The following PDE8B variants were observed in gnomAD, a reference collection of about 807,000 sequenced individuals.
The protein encoded by PDE8B is phosphodiesterase 8B, also known as high affinity cAMP-specific and IBMX-insensitive 3',5'-cyclic phosphodiesterase 8B.
PDE8B carries 26 observed loss-of-function variants against 101.3 expected under a neutral mutation model. That is an observed-to-expected ratio of 0.26 (90% CI 0.19 to 0.36). PDE8B has a LOEUF of 0.36. PDE8B is among the 10% of genes least tolerant of loss of function. The pLI is 1.00. For synonymous variants in PDE8B, 424 were observed against 429.3 expected, an observed-to-expected ratio of 0.99 and a Z score of 0.15; for missense variants, 810 against 1,163.1, an observed-to-expected ratio of 0.70 and a Z score of 4.42.
intron 20 of PDE8B, among the ~76,000 whole-genome samples, chr5:77,424,738 C>G (rs144806670): frequency 6.6e-6 from 1 of 151,902 alleles, no homozygotes; most frequent in Non-Finnish European, 1.5e-5. Context: ...ACATGTACTT[C>G]GAAGGTCAAG....
chr5:77,099,810 A>T, the PDE8B span, among the ~76,000 whole-genome samples: 1 of 152,050 alleles, frequency 6.6e-6, no homozygotes, highest in Non-Finnish European at 1.5e-5. Context: ...GGGTTTCACC[A>T]TATTGGTCAG....
the PDE8B span, among the ~76,000 whole-genome samples, chr5:77,164,115 T>C: frequency 2.0e-5 from 3 of 152,104 alleles, no homozygotes; most frequent in African/African-American, 7.2e-5. Flanking sequence ...AGCACAGGGG[T>C]TGACTTGGTT....
intron 1 of PDE8B, among the ~76,000 whole-genome samples, chr5:77,225,151 G>A (rs1257709197): frequency 1.3e-5 from 2 of 152,134 alleles, no homozygotes; most frequent in African/African-American, 2.4e-5. Context: ...CATCTATAAA[G>A]ATAAACTTCC....
intron 21 of PDE8B, 49 bp from the exon 22 acceptor site, chr5:77,426,396 C>A: frequency 8.0e-7 from 1 of 1,248,434 alleles, no homozygotes. Flanking sequence ...ATAAATGCTC[C>A]TGGGGTCTAA....
chr5:77,377,926 A>G (rs1786488349), intron 10 of PDE8B, among the ~76,000 whole-genome samples: 1 of 151,736 alleles, frequency 6.6e-6, no homozygotes, highest in African/African-American at 2.4e-5. Flanking sequence ...ACATCGTATC[A>G]TGGGACTCCT....
chr5:77,301,865 A>G (rs369079604), intron 1 of PDE8B, among the ~76,000 whole-genome samples: 1 of 152,220 alleles, frequency 6.6e-6, no homozygotes, highest in Non-Finnish European at 1.5e-5. Context: ...TGACATAATC[A>G]TAGCATCGAA....
At chr5:77,200,418 T>A in the PDE8B span, among the ~76,000 whole-genome samples, 1 of 152,138 alleles carries the variant, frequency 6.6e-6, no homozygotes, top group South Asian at 2.1e-4. Flanking sequence ...CTAGCCCCAC[T>A]CCCACATCTC....
intron 1 of PDE8B, among the ~76,000 whole-genome samples, chr5:77,271,886 G>A (rs899683883): frequency 2.0e-5 from 3 of 152,292 alleles, no homozygotes; most frequent in Non-Finnish European, 4.4e-5. Flanking sequence ...TGTTGGGGAG[G>A]GATGTGAATG....
At chr5:77,133,840 A>G in the PDE8B span, among the ~76,000 whole-genome samples, 1 of 152,204 alleles carries the variant, frequency 6.6e-6, no homozygotes, top group African/African-American at 2.4e-5. Flanking sequence ...GAGCCCAAGA[A>G]TTCTGGGACT....
In PDE8B at chr5:77,211,085, C is replaced by T. The variant is rs1580329810; in HGVS notation, c.160C>T (p.Pro54Ser). The T allele has an allele frequency of 3.3e-6, 5 of 1,497,984 alleles. No homozygotes were observed. The highest frequency in any genetic ancestry group is 5.6e-5 in the East Asian group (2 of 35,770). 92.8% of individuals were successfully genotyped at this position (1,497,984 alleles called of 1,614,324 possible). Reference protein sequence around the residue: ...FVQTDAADAIPPSRASGPPSV... With the variant: ...FVQTDAADAISPSRASGPPSV... ...CCAGACCGACGCCGCCGACGCCATC[C>T]CCCCGAGCCGCGCGTCGGGACCCCC... The change falls in exon 1 of 22, where the codon CCC (proline) becomes TCC (serine). Residue 54 changes from proline to serine, a missense_variant. This residue lies in a region of PDE8B where 159 missense variants were observed against 146.6 expected (regional missense o/e 1.08). Transcript: ENST00000264917. The surrounding 1 kb of genome is among the most constrained non-coding windows in gnomAD (Gnocchi z 4.1).
intron 1 of PDE8B, chr5:77,290,576 G>T: frequency 6.7e-7 from 1 of 1,501,416 alleles, no homozygotes. Context: ...TAGGAAGCTT[G>T]GTGTCTTTGG....
At chr5:77,349,298 C>A in intron 7 of PDE8B, 121 bp from the exon 8 acceptor site, 1 of 1,317,006 alleles carries the variant, frequency 7.6e-7, no homozygotes, top group Non-Finnish European at 1.1e-6. Context: ...AATGTTTGCC[C>A]TGGGAACTTC....
chr5:77,427,977 T>C lies in PDE8B; in HGVS notation c.*1423T>C, dbSNP rs1394253683. The C allele has an allele frequency of 3.3e-5, 5 of 152,208 alleles. No homozygotes were observed. Among genetic ancestry groups the C allele is most frequent in the African/African-American group, 7.2e-5 (3 of 41,466 alleles). The allele number at this position is 152,208 out of a possible 1,614,324, so 9.4% of individuals were successfully genotyped here. A position where few individuals can be genotyped will look rare whatever the true frequency, so the allele number is the denominator to read the frequency against. On this transcript the variant is annotated 3_prime_UTR_variant, in exon 22 of 22. Coordinates refer to ENST00000264917, the MANE Select transcript of PDE8B (RefSeq NM_003719.5). ...TTGTACATGGGGAAAAAATGACTTATCACTACATAATGTGCCAATGTTTTT... is the reference window on the plus strand; with the variant it reads ...TTGTACATGGGGAAAAAATGACTTACCACTACATAATGTGCCAATGTTTTT...
At chr5:77,164,050 G>A in the PDE8B span, among the ~76,000 whole-genome samples, 12 of 152,232 alleles carry the variant, frequency 7.9e-5, no homozygotes, top group Non-Finnish European at 1.6e-4. Flanking sequence ...TCAATGCTAT[G>A]GAATCAAGTG....
At chr5:77,361,704 T>C (rs907595151) in intron 10 of PDE8B, among the ~76,000 whole-genome samples, 2 of 152,032 alleles carry the variant, frequency 1.3e-5, no homozygotes, top group Admixed American at 6.6e-5. Flanking sequence ...TTAGTAGAGA[T>C]AGGGTTTCAC....
intron 2 of PDE8B, among the ~76,000 whole-genome samples, chr5:77,319,158 G>A (rs1774466845): frequency 6.6e-6 from 1 of 152,098 alleles, no homozygotes; most frequent in Non-Finnish European, 1.5e-5. Flanking sequence ...CAGATTTCAT[G>A]GTTTACTTAG....
the PDE8B span, among the ~76,000 whole-genome samples, chr5:77,134,856 C>G: frequency 6.6e-6 from 1 of 152,160 alleles, no homozygotes; most frequent in Non-Finnish European, 1.5e-5. Flanking sequence ...CTTCTCTCTT[C>G]TAAGTATTTC....
rs760084183 is a variant in PDE8B at position 77,211,000 on chromosome 5, G to T, written c.75G>T (p.Ser25=). The change falls in exon 1 of 22, where the codon TCG becomes TCT. Residue 25 remains serine (S), a synonymous_variant. Coordinates refer to ENST00000264917, the MANE Select transcript of PDE8B (RefSeq NM_003719.5). The surrounding 1 kb of genome is among the most constrained non-coding windows in gnomAD (Gnocchi z 4.9). ...GCCGGGACTCGGACGAGTCCAGCTC[G>T]CCCCGCCAGACCACCAGCGTGTCGC... ...IYCRDSDESS[S]PRQTTSVSQG... 2 of 1,546,112 alleles carry T rather than the reference G, an allele frequency of 1.3e-6. No individual in the cohort carries two copies. Among genetic ancestry groups the T allele is most frequent in the South Asian group, 1.2e-5 (1 of 85,312 alleles).
chr5:77,333,839 T>A (rs1224831865), intron 5 of PDE8B, among the ~76,000 whole-genome samples: 1 of 152,232 alleles, frequency 6.6e-6, no homozygotes, highest in African/African-American at 2.4e-5. Context: ...TATCCAGACA[T>A]GTTACTGTGT....
Sources: gnomAD v4.1 joint callset for allele counts (sites outside exome capture counted in the v4.1 genomes callset) on GRCh38, gnomAD v4.1.1 for gene constraint, gnomAD v4.1.1 regional missense constraint, Gnocchi (gnomAD v3.1) non-coding constraint, MANE v1.5 for transcripts, NCBI Gene and HGNC (gene_info 2026-07-23, HGNC 2026-07-21) for gene names.